The following KIRREL3 variants were observed in gnomAD, a reference collection of about 807,000 sequenced individuals.
The protein encoded by KIRREL3 is kirre like nephrin family adhesion molecule 3.
Under a neutral mutation model 89.7 loss-of-function variants are expected in KIRREL3, and 36 were observed. That is an observed-to-expected ratio of 0.40 (90% CI 0.31 to 0.53). The LOEUF is 0.53. Ranked by LOEUF, KIRREL3 falls within the 20% of genes least tolerant of loss-of-function variation. The pLI, the probability that KIRREL3 is intolerant of heterozygous loss-of-function variation, is 0.49. For missense variants in KIRREL3, 864 were observed against 1,056.6 expected (o/e 0.82, Z 2.53); for synonymous variants, 445 against 441.4 (o/e 1.01, Z -0.10).
intron 6 of KIRREL3, among the ~76,000 whole-genome samples, chr11:126,460,843 C>T (rs1472427374): frequency 6.6e-6 from 1 of 152,220 alleles, no homozygotes; most frequent in Non-Finnish European, 1.5e-5. Flanking sequence ...CTGCCAGGAC[C>T]TACGCTGCTG....
At chr11:126,979,733 T>G (rs1399540036) in intron 1 of KIRREL3, among the ~76,000 whole-genome samples, 1 of 152,172 alleles carries the variant, frequency 6.6e-6, no homozygotes, top group African/African-American at 2.4e-5. Context: ...AAAACTTAAA[T>G]GAAATCATAG....
At chr11:126,433,122 G>A (rs865933378) in intron 13 of KIRREL3, among the ~76,000 whole-genome samples, 4 of 152,178 alleles carry the variant, frequency 2.6e-5, no homozygotes, top group African/African-American at 7.2e-5. Context: ...CAGGTGATCC[G>A]CCCGCCTCAG....
In KIRREL3 at chr11:126,597,568, T is replaced by G. The variant is rs1040251661; in HGVS notation, c.56-34656A>C. ...GGTGGGAAGGACAACCCTGTCACAT[T>G]CTTTTGCCGTCAGCTTCACAGTTCC... is the stretch of plus-strand genomic sequence containing the variant. On this transcript the variant is annotated intron_variant, in intron 1 of 16. Transcript: ENST00000525144. 3.3e-5 allele frequency among the ~76,000 whole-genome samples: 5 copies of G among 152,054 alleles called. No homozygotes were observed. The South Asian group carries it at 1.0e-3, about 32-fold the overall frequency.
intron 1 of KIRREL3, among the ~76,000 whole-genome samples, chr11:126,760,998 G>A (rs1237295686): frequency 6.6e-6 from 1 of 152,208 alleles, no homozygotes; most frequent in East Asian, 1.9e-4. Context: ...CTCCAGGACA[G>A]ATACCGTTAA....
rs764462880 is a variant in KIRREL3 at position 126,427,645 on chromosome 11, G to A, written c.1806+1534C>T. On this transcript the variant is annotated intron_variant, in intron 15 of 16. Coordinates refer to ENST00000525144, the MANE Select transcript of KIRREL3 (RefSeq NM_032531.4). The surrounding 1 kb of genome is among the most constrained non-coding windows in gnomAD (Gnocchi z 5.3). ...AATGGAGCTGGAGAGGTTGGTGGTT[G>A]CCTGGCACTGAGGAGCCCTGATGGC... Among the ~76,000 whole-genome samples, 12 of 152,224 alleles carry A rather than the reference G, an allele frequency of 7.9e-5. No homozygotes were observed. Among genetic ancestry groups the A allele is most frequent in the Non-Finnish European group, 1.5e-4 (10 of 68,050 alleles).
chr11:126,633,859 G>A (rs1427326516), intron 1 of KIRREL3, among the ~76,000 whole-genome samples: 1 of 152,204 alleles, frequency 6.6e-6, no homozygotes, highest in Non-Finnish European at 1.5e-5. Context: ...CGTATCTACA[G>A]TGTAGACATG....
At position 126,530,516 on chromosome 11, in the gene KIRREL3, T is replaced by C. The variant is rs1180693056; in HGVS notation, c.134-3829A>G. Among the ~76,000 whole-genome samples the C allele has an allele frequency of 6.6e-6, 1 of 152,186 alleles. No individual in the cohort carries two copies. The highest frequency in any genetic ancestry group is 3.2e-3 in the Middle Eastern group (1 of 316). On this transcript the variant is annotated intron_variant, in intron 2 of 16. Coordinates refer to ENST00000525144, the MANE Select transcript of KIRREL3 (RefSeq NM_032531.4). This position sits in a 1 kb window ranked among gnomAD's most constrained non-coding sequence, Gnocchi z 5.8. ...AGTGAGCTCCTGAGAACCTGTTTCT[T>C]CCACACACACACTGACCGGACCCTG...
chr11:126,426,047 A>G (rs1954931678), intron 15 of KIRREL3, among the ~76,000 whole-genome samples: 2 of 152,230 alleles, frequency 1.3e-5, no homozygotes, highest in Admixed American at 1.3e-4. Context: ...CATTGACTGA[A>G]CGTTTATTGT....
In KIRREL3 at chr11:126,606,910, C is replaced by G. The variant is rs1218277292; in HGVS notation, c.56-43998G>C. Among the ~76,000 whole-genome samples, 3 of 150,060 alleles carry G rather than the reference C, an allele frequency of 2.0e-5. No homozygotes were observed. Among genetic ancestry groups the G allele is most frequent in the Non-Finnish European group, 3.0e-5 (2 of 67,754 alleles). Reference sequence around the variant, plus strand: ...CTCTGGATGGGAAAGGGGAGAAGCTCAGATGATGGGAAGGGGCGGGGGTGG... The same window carrying G: ...CTCTGGATGGGAAAGGGGAGAAGCTGAGATGATGGGAAGGGGCGGGGGTGG... On this transcript the variant is annotated intron_variant, in intron 1 of 16. Transcript: ENST00000525144. This position sits in a 1 kb window ranked among gnomAD's most constrained non-coding sequence, Gnocchi z 4.6.
chr11:126,457,205 G>GTGTA (rs1565470324), intron 6 of KIRREL3, among the ~76,000 whole-genome samples: 2 of 151,414 alleles, frequency 1.3e-5, no homozygotes, highest in African/African-American at 4.9e-5. Flanking sequence ...GTGTGTGTGT[G>GTGTA]TGTGTATGTG....
intron 1 of KIRREL3, among the ~76,000 whole-genome samples, chr11:126,839,292 G>T (rs1289882220): frequency 1.3e-5 from 2 of 152,144 alleles, no homozygotes; most frequent in Admixed American, 6.5e-5. Context: ...TTGTCTTTTG[G>T]GGGAGGAAGA....
chr11:126,485,083 T>G lies in KIRREL3; in HGVS notation c.434-11617A>C, dbSNP rs894861824. Among the ~76,000 whole-genome samples, 4 of 152,102 alleles carry G rather than the reference T, an allele frequency of 2.6e-5. No homozygotes were observed. Among genetic ancestry groups the G allele is most frequent in the Non-Finnish European group, 1.5e-5 (1 of 67,998 alleles). On this transcript the variant is annotated intron_variant, in intron 4 of 16. Transcript: ENST00000525144. The surrounding 1 kb of genome is among the most constrained non-coding windows in gnomAD (Gnocchi z 5.8). ...GATCCGCCCACCTTAGCCTCCAAAG[T>G]GCTGGGATTACAGCTGTGAGCCACT...
At chr11:126,663,578 A>G (rs1420903577) in intron 1 of KIRREL3, among the ~76,000 whole-genome samples, 1 of 152,180 alleles carries the variant, frequency 6.6e-6, no homozygotes, top group Non-Finnish European at 1.5e-5. Context: ...GTCATAATTA[A>G]AACATCTCAT....
rs780009301 is a variant in KIRREL3 at position 126,430,288 on chromosome 11, T to C, written c.1697-1000A>G. On this transcript the variant is annotated intron_variant, in intron 14 of 16. Coordinates refer to ENST00000525144, the MANE Select transcript of KIRREL3 (RefSeq NM_032531.4). This position sits in a 1 kb window ranked among gnomAD's most constrained non-coding sequence, Gnocchi z 6.6. Reference sequence around the variant, plus strand: ...GGTGAAATCCTGTCTCTGCAAAAAATTAAAAAAATAGCAAGGCATGATGGC... The same window carrying C: ...GGTGAAATCCTGTCTCTGCAAAAAACTAAAAAAATAGCAAGGCATGATGGC... Among the ~76,000 whole-genome samples, 5 of 151,380 alleles carry C rather than the reference T, an allele frequency of 3.3e-5. No individual in the cohort carries two copies. Among genetic ancestry groups the C allele is most frequent in the Non-Finnish European group, 5.9e-5 (4 of 67,840 alleles).
In KIRREL3 at chr11:126,612,782, A is replaced by T. The variant is rs907531221; in HGVS notation, c.56-49870T>A. Among the ~76,000 whole-genome samples the T allele has an allele frequency of 7.9e-5, 12 of 152,182 alleles. No individual in the cohort carries two copies. Among genetic ancestry groups the T allele is most frequent in the Non-Finnish European group, 1.2e-4 (8 of 68,036 alleles). ...TCCTTTCACGTAACAAAATGCTTTC[A>T]AGGTTCCATCCCAGTTGCCACATGC... On this transcript the variant is annotated intron_variant, in intron 1 of 16. Coordinates refer to ENST00000525144, the MANE Select transcript of KIRREL3 (RefSeq NM_032531.4). The surrounding 1 kb of genome is among the most constrained non-coding windows in gnomAD (Gnocchi z 4.5).
rs1215822861 is a variant in KIRREL3, at chr11:126,805,887, G to A, written c.55+194568C>T. 1.3e-5 allele frequency among the ~76,000 whole-genome samples: 2 copies of A among 152,110 alleles called. No homozygotes were observed. ...AGTCAAACCCAACCCAGTGGGCCTG[G>A]GCAGGTGCCGTGCCATCCCCTCCAC... On this transcript the variant is annotated intron_variant, in intron 1 of 16. Coordinates refer to ENST00000525144, the MANE Select transcript of KIRREL3 (RefSeq NM_032531.4). The surrounding 1 kb of genome is among the most constrained non-coding windows in gnomAD (Gnocchi z 4.3).
intron 1 of KIRREL3, among the ~76,000 whole-genome samples, chr11:126,604,968 C>T (rs933127267): frequency 1.3e-5 from 2 of 152,154 alleles, no homozygotes; most frequent in Non-Finnish European, 2.9e-5. Context: ...GCAAATGAAA[C>T]GGCATATGTA....
chr11:126,738,793 C>A (rs1220403851), intron 1 of KIRREL3, among the ~76,000 whole-genome samples: 2 of 152,178 alleles, frequency 1.3e-5, no homozygotes, highest in Non-Finnish European at 2.9e-5. Context: ...CAGGCAGCTA[C>A]CTGAAAGAAA....
intron 1 of KIRREL3, among the ~76,000 whole-genome samples, chr11:126,721,926 CT>C (rs1345569740): frequency 3.9e-5 from 6 of 152,188 alleles, no homozygotes; most frequent in African/African-American, 1.4e-4. Flanking sequence ...GTCCAAAAGC[CT>C]TTTTGTGTTC....
Sources: allele counts gnomAD v4.1 joint callset (sites outside exome capture counted in the v4.1 genomes callset), GRCh38; gene constraint gnomAD v4.1.1; non-coding constraint Gnocchi (gnomAD v3.1); transcripts MANE v1.5; gene names NCBI Gene and HGNC (gene_info 2026-07-23, HGNC 2026-07-21).